Variants in MIPOL1 observed in about 807,000 individuals in gnomAD.
MIPOL1 encodes the protein mirror-image polydactyly gene 1 protein.
MIPOL1 carries 57 observed loss-of-function variants against 60.9 expected under a neutral mutation model. That is an observed-to-expected ratio of 0.94 (90% CI 0.76 to 1.17). The LOEUF (loss-of-function observed/expected upper bound fraction) is 1.17, where lower values mean the gene tolerates loss of function less well. Ranked by LOEUF, MIPOL1 falls within the 50% of genes most tolerant of loss-of-function variation. The pLI, the probability that MIPOL1 is intolerant of heterozygous loss-of-function variation, is 0.00. For synonymous variants in MIPOL1, 179 were observed against 168.8 expected, an observed-to-expected ratio of 1.06 and a Z score of -0.47; for missense variants, 551 against 511.6, an observed-to-expected ratio of 1.08 and a Z score of -0.74.
intron 11 of MIPOL1, among the ~76,000 whole-genome samples, chr14:37,494,842 A>G (rs1290107056): frequency 6.6e-6 from 1 of 152,184 alleles, no homozygotes; most frequent in African/African-American, 2.4e-5. Context: ...TTTTAAAAAG[A>G]TCATGTCCAT....
intron 1 of MIPOL1, among the ~76,000 whole-genome samples, chr14:37,242,059 T>G (rs1202423277): frequency 6.6e-6 from 1 of 151,732 alleles, no homozygotes; most frequent in Non-Finnish European, 1.5e-5. Flanking sequence ...GTCATGAAGA[T>G]CACTGTCTTT....
chr14:37,368,282 G>C (rs758965577), intron 9 of MIPOL1, among the ~76,000 whole-genome samples: 3 of 151,872 alleles, frequency 2.0e-5, no homozygotes, highest in Non-Finnish European at 4.4e-5. Context: ...TTTCATATTT[G>C]TACACAAACA....
intron 10 of MIPOL1, among the ~76,000 whole-genome samples, chr14:37,407,845 C>CTTTTT (rs35133543): frequency 4.5e-5 from 4 of 88,796 alleles, no homozygotes; most frequent in Non-Finnish European, 5.8e-5. Flanking sequence ...TCTTCTTCTT[C>CTTTTT]TTTTTTTTTT....
At chr14:37,233,022 A>G (rs899950126) in intron 1 of MIPOL1, among the ~76,000 whole-genome samples, 1 of 152,224 alleles carries the variant, frequency 6.6e-6, no homozygotes, top group Non-Finnish European at 1.5e-5. Flanking sequence ...CACTCCATGC[A>G]TGTATGGCTT....
intron 11 of MIPOL1, among the ~76,000 whole-genome samples, chr14:37,448,948 G>T (rs1226895770): frequency 6.6e-6 from 1 of 152,024 alleles, no homozygotes; most frequent in African/African-American, 2.4e-5. Flanking sequence ...TCAAGTTTAA[G>T]TTCTTCAGGT....
intron 9 of MIPOL1, among the ~76,000 whole-genome samples, chr14:37,363,114 G>A (rs8016485): frequency 0.99 from 151,254 of 152,292 alleles, 75,120 homozygotes; most frequent in Middle Eastern, 1. Context: ...ACTTCTGTCA[G>A]TTTGTCAAAG....
chr14:37,268,912 T>C, intron 5 of MIPOL1, 119 bp downstream of exon 5: 1 of 839,006 alleles, frequency 1.2e-6, no homozygotes, highest in Non-Finnish European at 1.8e-6. Context: ...TAACAGTAGC[T>C]TTATGTTTTT....
At chr14:37,503,860 C>T (rs971778682) in intron 12 of MIPOL1, 7 of 152,146 alleles carry the variant, frequency 4.6e-5, no homozygotes, top group African/African-American at 1.7e-4. Flanking sequence ...TTCAGAAGAC[C>T]CATCTTACAT....
intron 9 of MIPOL1, among the ~76,000 whole-genome samples, chr14:37,361,370 C>T (rs898259240): frequency 1.3e-5 from 2 of 151,940 alleles, no homozygotes; most frequent in African/African-American, 4.8e-5. Flanking sequence ...TCCTGGATAT[C>T]CTTCTCTCTC....
At chr14:37,357,984 C>G (rs979253714) in intron 9 of MIPOL1, among the ~76,000 whole-genome samples, 2 of 151,754 alleles carry the variant, frequency 1.3e-5, no homozygotes, top group African/African-American at 4.8e-5. Flanking sequence ...TGCTATCCCT[C>G]CCCCAGCTTC....
At chr14:37,295,684 A>G (rs2085582796) in intron 7 of MIPOL1, among the ~76,000 whole-genome samples, 1 of 152,196 alleles carries the variant, frequency 6.6e-6, no homozygotes, top group Non-Finnish European at 1.5e-5. Context: ...CTTTAAACCA[A>G]CAAAGATCAA....
intron 1 of MIPOL1, among the ~76,000 whole-genome samples, chr14:37,227,268 G>C (rs1473234518): frequency 2.0e-5 from 3 of 152,282 alleles, no homozygotes; most frequent in Non-Finnish European, 1.5e-5. Flanking sequence ...ACTGCTTGCT[G>C]TTCAAATGAA....
At chr14:37,351,064 C>A (rs765947070) in intron 9 of MIPOL1, among the ~76,000 whole-genome samples, 5 of 113,550 alleles carry the variant, frequency 4.4e-5, no homozygotes, top group Admixed American at 1.0e-4. Flanking sequence ...CCCCCTCCCC[C>A]CACCCCACAA....
chr14:37,490,853 G>A (rs111867495), intron 11 of MIPOL1, among the ~76,000 whole-genome samples: 3,333 of 152,256 alleles, frequency 0.022, 45 homozygotes, highest in Non-Finnish European at 0.031. Context: ...TGCCTTCTGC[G>A]TTGATCTCAC....
intron 1 of MIPOL1, among the ~76,000 whole-genome samples, chr14:37,200,327 G>A (rs1207103846): frequency 6.6e-6 from 1 of 152,044 alleles, no homozygotes; most frequent in African/African-American, 2.4e-5. Context: ...TAGCTCATGG[G>A]TTATACAAAA....
chr14:37,445,449 C>A (rs2094318463), intron 11 of MIPOL1, among the ~76,000 whole-genome samples: 1 of 151,534 alleles, frequency 6.6e-6, no homozygotes, highest in Non-Finnish European at 1.5e-5. Flanking sequence ...AAGAACATTC[C>A]ATGCTCATGG....
At chr14:37,446,867 T>G (rs1408995136) in intron 11 of MIPOL1, among the ~76,000 whole-genome samples, 4 of 149,032 alleles carry the variant, frequency 2.7e-5, no homozygotes, top group African/African-American at 9.9e-5. Context: ...AGGTGGGAAT[T>G]GAAGAATGAG....
At chr14:37,370,231 A>G (rs992777759) in intron 10 of MIPOL1, among the ~76,000 whole-genome samples, 1 of 152,148 alleles carries the variant, frequency 6.6e-6, no homozygotes, top group African/African-American at 2.4e-5. Context: ...GAAAAAGGAC[A>G]TGGTTTTAAT....
intron 9 of MIPOL1, among the ~76,000 whole-genome samples, chr14:37,315,552 G>A (rs1296885465): frequency 3.3e-5 from 5 of 152,122 alleles, no homozygotes; most frequent in South Asian, 2.1e-4. Flanking sequence ...TTGAAAGTAC[G>A]ATAAGTAGGC....
Sources: allele counts gnomAD v4.1 joint callset (sites outside exome capture counted in the v4.1 genomes callset), GRCh38; gene constraint gnomAD v4.1.1; transcripts MANE v1.5; gene names NCBI Gene and HGNC (gene_info 2026-07-23, HGNC 2026-07-21).